Variants in LPCAT2 observed in about 807,000 individuals in gnomAD.
LPCAT2 encodes lysophosphatidylcholine acyltransferase 2.
A neutral mutation model predicts 64.7 loss-of-function variants in LPCAT2; 58 were observed. The observed-to-expected ratio is 0.90, with a 90% CI of 0.73 to 1.12. The LOEUF is 1.12. LPCAT2 is among the 50% of genes most tolerant of loss of function. The pLI, the probability that LPCAT2 is intolerant of heterozygous loss-of-function variation, is 0.00. For missense variants in LPCAT2, 579 were observed against 669.8 expected (o/e 0.86, Z 1.50); for synonymous variants, 252 against 245.3 (o/e 1.03, Z -0.26).
chr16:55,545,910 T>C lies in LPCAT2; in HGVS notation c.935+93T>C, dbSNP rs1386683903. On this transcript the variant is annotated intron_variant, in intron 9 of 13. Coordinates refer to ENST00000262134, the MANE Select transcript of LPCAT2 (RefSeq NM_017839.5). The stretch of plus-strand genomic sequence containing the variant: ...ATTTTAAGGATTTTTTTTTGACCCC[T>C]GAAGGCCTCGTTCCCCAATTCATTT... 1.0e-5 allele frequency: 9 copies of C among 862,116 alleles called. No homozygotes were observed. In the East Asian group the frequency reaches 2.1e-4, roughly 20 times the overall value. The allele number at this position is 862,116 out of a possible 1,614,324, so 53.4% of individuals were successfully genotyped here. A position where few individuals can be genotyped will look rare whatever the true frequency, so the allele number is the denominator to read the frequency against.
In LPCAT2 at chr16:55,528,460, T is replaced by G. The variant is rs764674030; in HGVS notation, c.395T>G (p.Ile132Ser). 20 of 1,613,946 alleles carry G rather than the reference T, an allele frequency of 1.2e-5. No homozygotes were observed. The Middle Eastern group carries it at 1.2e-3, about 93-fold the overall frequency. Residue 132 changes from isoleucine (I) to serine (S), a missense_variant, in exon 3 of 14, where the codon ATT becomes AGT. Ile to Ser is a moderately radical substitution (Grantham distance 142). Coordinates refer to ENST00000262134, the MANE Select transcript of LPCAT2 (RefSeq NM_017839.5). The stretch of plus-strand genomic sequence containing the variant: ...TTTATAGTTGCTGTAAAAGGAAAGA[T>G]TGCAAGTCCTTTGGAAGCACCAGTT... ...MGFIVAVKGK[I>S]ASPLEAPVFV...
chr16:55,557,271 GTC>G (rs527830880), intron 11 of LPCAT2, among the ~76,000 whole-genome samples: 1 of 149,662 alleles, frequency 6.7e-6, no homozygotes, highest in Non-Finnish European at 1.5e-5. Context: ...CTCTGTCTCT[GTC>G]TCTCTCTCTC....
intron 7 of LPCAT2, 130 bp from the exon 8 acceptor site, chr16:55,537,448 G>A (rs1963338094): frequency 9.1e-6 from 6 of 655,860 alleles, no homozygotes; most frequent in Non-Finnish European, 1.3e-5. Flanking sequence ...CTGCAGTGTA[G>A]CATTTATAAA....
chr16:55,560,420 G>A (rs1048487996), intron 11 of LPCAT2, among the ~76,000 whole-genome samples: 1 of 152,016 alleles, frequency 6.6e-6, no homozygotes, highest in Admixed American at 6.6e-5. Flanking sequence ...ATTCTGTTTG[G>A]AAAGCAACAT....
At chr16:55,547,154 G>GA (rs112018160) in intron 9 of LPCAT2, among the ~76,000 whole-genome samples, 54 of 141,348 alleles carry the variant, frequency 3.8e-4, no homozygotes, top group Admixed American at 7.0e-4. Flanking sequence ...TCTCAAAAAA[G>GA]AAAAAAAAAA....
At chr16:55,524,187 C>T (rs1262280777) in intron 1 of LPCAT2, among the ~76,000 whole-genome samples, 2 of 151,704 alleles carry the variant, frequency 1.3e-5, no homozygotes, top group African/African-American at 4.8e-5. Context: ...AAATGTTCAT[C>T]AGTAGGAGAA....
rs1401382866 is a variant in LPCAT2 at position 55,585,858 on chromosome 16, T to C, written c.*2760T>C. On this transcript the variant is annotated 3_prime_UTR_variant, in exon 14 of 14. Coordinates refer to ENST00000262134, the MANE Select transcript of LPCAT2 (RefSeq NM_017839.5). ...CTTTGATTCCCAGAATCAAGAACTC[T>C]CCCCTTCAGACTATTACCGAATGCA... 1.3e-5 allele frequency: 2 copies of C among 152,136 alleles called. No individual in the cohort carries two copies. Among genetic ancestry groups the C allele is most frequent in the Non-Finnish European group, 2.9e-5 (2 of 68,024 alleles). 9.4% of individuals were successfully genotyped at this position (152,136 alleles called of 1,614,324 possible).
In LPCAT2 at chr16:55,579,260, G is replaced by A. The variant is rs1963863729; in HGVS notation, c.1450+16G>A. The stretch of plus-strand genomic sequence containing the variant: ...ATTTCCTATGGTGAGTAGGCAATCT[G>A]GCCTCCTGACTTAGTTTACAAGGAG... On this transcript the variant is annotated intron_variant, in intron 13 of 13. Coordinates refer to ENST00000262134, the MANE Select transcript of LPCAT2 (RefSeq NM_017839.5). The A allele has an allele frequency of 6.2e-7, 1 of 1,609,244 alleles. No individual in the cohort carries two copies. The highest frequency in any genetic ancestry group is 1.3e-5 in the African/African-American group (1 of 74,652).
chr16:55,579,325 C>T (rs1345485014), intron 13 of LPCAT2, 81 bp downstream of exon 13: 1 of 1,319,638 alleles, frequency 7.6e-7, no homozygotes, highest in African/African-American at 1.5e-5. Flanking sequence ...AGTACTGTTT[C>T]TCTTAACTAA....
In LPCAT2 at chr16:55,519,541, A is replaced by T. The variant is rs568085115; in HGVS notation, c.172-5967A>T. Among the ~76,000 whole-genome samples the T allele has an allele frequency of 5.3e-5, 8 of 151,640 alleles. No individual in the cohort carries two copies. In the East Asian group the frequency reaches 1.6e-3, roughly 29 times the overall value. ...AAAAGAAAGAAAGAAGAGAAATGGT[A>T]AAGAACATTTTTTGGGTTGTAGGAA... is the stretch of plus-strand genomic sequence containing the variant. On this transcript the variant is annotated intron_variant, in intron 1 of 13. Transcript: ENST00000262134.
intron 1 of LPCAT2, among the ~76,000 whole-genome samples, chr16:55,515,226 A>G (rs1471682025): frequency 1.6e-5 from 2 of 128,588 alleles, no homozygotes; most frequent in African/African-American, 5.3e-5. Context: ...TCTTAAGAAT[A>G]AACTCAAAGA....
chr16:55,559,191 T>C (rs974560414), intron 11 of LPCAT2, among the ~76,000 whole-genome samples: 1 of 152,210 alleles, frequency 6.6e-6, no homozygotes, highest in African/African-American at 2.4e-5. Flanking sequence ...AGATAGGTGA[T>C]TATGATTTCC....
chr16:55,532,618 T>G (rs1212778915), intron 5 of LPCAT2: 3 of 335,484 alleles, frequency 8.9e-6, no homozygotes, highest in Non-Finnish European at 1.7e-5. Flanking sequence ...GCACAGCATT[T>G]AATATTTTGC....
At chr16:55,564,831 A>G (rs1596881610) in intron 11 of LPCAT2, among the ~76,000 whole-genome samples, 1 of 152,032 alleles carries the variant, frequency 6.6e-6, no homozygotes, top group East Asian at 1.9e-4. Context: ...CCAAAGAAAA[A>G]TAGATAAATA....
intron 12 of LPCAT2, among the ~76,000 whole-genome samples, chr16:55,578,620 G>A (rs931004600): frequency 1.3e-5 from 2 of 152,008 alleles, no homozygotes; most frequent in Non-Finnish European, 2.9e-5. Context: ...CTGCCTCAAA[G>A]TTTTCTCAGT....
chr16:55,509,141 C>G lies in LPCAT2; in HGVS notation c.-41C>G. On this transcript the variant is annotated 5_prime_UTR_variant, in exon 1 of 14. Transcript: ENST00000262134. ...TCGGCTCAGTTTTGGCTGCAGCGCC[C>G]GCGTAGATCGCTTCGGCCGGGTTCT... The G allele has an allele frequency of 7.7e-7, 1 of 1,300,646 alleles. No homozygotes were observed. The highest frequency in any genetic ancestry group is 9.8e-7 in the Non-Finnish European group (1 of 1,020,202). 80.6% of individuals were successfully genotyped at this position (1,300,646 alleles called of 1,614,324 possible).
chr16:55,542,959 C>A (rs546496317), intron 8 of LPCAT2, among the ~76,000 whole-genome samples: 5 of 152,180 alleles, frequency 3.3e-5, no homozygotes, highest in African/African-American at 1.2e-4. Flanking sequence ...GGCTTGAAGT[C>A]ATTGGGGTAT....
chr16:55,530,945 A>G (rs1963245174), intron 4 of LPCAT2, among the ~76,000 whole-genome samples: 1 of 152,182 alleles, frequency 6.6e-6, no homozygotes, highest in Non-Finnish European at 1.5e-5. Context: ...AGCATTAGAT[A>G]TGCTAGGTGA....
intron 1 of LPCAT2, among the ~76,000 whole-genome samples, chr16:55,511,401 T>A (rs1457568949): frequency 8.5e-5 from 13 of 152,176 alleles, no homozygotes; most frequent in Admixed American, 7.9e-4. Context: ...TATTATCCAG[T>A]TTAAAAGGTG....
Sources: allele counts gnomAD v4.1 joint callset (sites outside exome capture counted in the v4.1 genomes callset), GRCh38; gene constraint gnomAD v4.1.1; transcripts MANE v1.5; gene names NCBI Gene and HGNC (gene_info 2026-07-23, HGNC 2026-07-21).